Variants in ERC1 observed in about 807,000 individuals in gnomAD.
ERC1 encodes ELKS/RAB6-interacting/CAST family member 1.
Under a neutral mutation model 132.0 loss-of-function variants are expected in ERC1, and 56 were observed. That is an observed-to-expected ratio of 0.42 (90% CI 0.34 to 0.53). The LOEUF is 0.53. Ranked by LOEUF, ERC1 falls within the 20% of genes least tolerant of loss-of-function variation. The pLI is 0.03. For missense variants in ERC1, 1,202 were observed against 1,349.9 expected, an observed-to-expected ratio of 0.89 and a Z score of 1.72; for synonymous variants, 478 against 476.1, an observed-to-expected ratio of 1.00 and a Z score of -0.05.
At chr12:1,397,698 G>A (rs2090656349) in intron 16 of ERC1, among the ~76,000 whole-genome samples, 1 of 152,266 alleles carries the variant, frequency 6.6e-6, no homozygotes. Flanking sequence ...CTCTAAAAAG[G>A]AGGGAACAGG....
chr12:1,463,680 G>C (rs1219205629), intron 18 of ERC1, among the ~76,000 whole-genome samples: 1 of 121,364 alleles, frequency 8.2e-6, no homozygotes, highest in East Asian at 2.3e-4. Context: ...GGGAAGAGAG[G>C]GGTTGGGGTG....
At chr12:1,334,640 A>G (rs1213161252) in intron 15 of ERC1, among the ~76,000 whole-genome samples, 14 of 152,122 alleles carry the variant, frequency 9.2e-5, no homozygotes, top group Non-Finnish European at 1.5e-5. Flanking sequence ...GTAGCCCTGT[A>G]GTATAGTTTG....
intron 14 of ERC1, among the ~76,000 whole-genome samples, chr12:1,280,627 A>C (rs977531464): frequency 3.3e-5 from 5 of 152,178 alleles, no homozygotes; most frequent in Non-Finnish European, 1.5e-5. Flanking sequence ...TCACATTGAG[A>C]TAAGTATTTG....
intron 15 of ERC1, among the ~76,000 whole-genome samples, chr12:1,359,924 TTAAC>T (rs1397679939): frequency 6.8e-6 from 1 of 148,058 alleles, no homozygotes; most frequent in Admixed American, 6.7e-5. Context: ...AATTTGATAG[TTAAC>T]TAATTCTATA....
chr12:1,364,621 C>T (rs2086479558), intron 15 of ERC1, among the ~76,000 whole-genome samples: 1 of 152,210 alleles, frequency 6.6e-6, no homozygotes, highest in Admixed American at 6.5e-5. Flanking sequence ...CTCTGTCTTT[C>T]TTATTTCTCT....
rs565850667 is a variant in ERC1, at chr12:1,192,746, GC to G, written c.2351+2695del. Among the ~76,000 whole-genome samples, 7 of 152,282 alleles carry G rather than the reference GC, an allele frequency of 4.6e-5. No homozygotes were observed. The South Asian group carries it at 1.2e-3, about 27-fold the overall frequency. On this transcript the variant is annotated intron_variant, in intron 12 of 18. Coordinates refer to ENST00000360905, the MANE Select transcript of ERC1 (RefSeq NM_178040.4). ...TCTTATACTAGAGTGAATTGCTACTGCTGCTTTTGCTACTGCTGGGGCTTGT... is the reference window on the plus strand; with the variant it reads ...TCTTATACTAGAGTGAATTGCTACTGTGCTTTTGCTACTGCTGGGGCTTGT...
intron 15 of ERC1, among the ~76,000 whole-genome samples, chr12:1,359,375 A>T (rs1454219278): frequency 6.6e-6 from 1 of 152,190 alleles, no homozygotes. Flanking sequence ...GTCTTAGTTC[A>T]TTTTATTGCT....
chr12:1,310,640 A>T (rs1274643672), intron 15 of ERC1, among the ~76,000 whole-genome samples: 1 of 152,252 alleles, frequency 6.6e-6, no homozygotes, highest in Non-Finnish European at 1.5e-5. Context: ...GCATACAGTC[A>T]AAAGGCTTTT....
intron 15 of ERC1, among the ~76,000 whole-genome samples, chr12:1,366,338 A>G (rs1461340023): frequency 6.6e-6 from 1 of 152,240 alleles, no homozygotes; most frequent in Non-Finnish European, 1.5e-5. Context: ...GACCCTACCC[A>G]TGTAGAAGAA....
intron 18 of ERC1, among the ~76,000 whole-genome samples, chr12:1,447,388 C>T (rs1241865601): frequency 1.3e-5 from 2 of 151,724 alleles, no homozygotes; most frequent in East Asian, 2.0e-4. Context: ...TGGTGTCACA[C>T]GCCTGTAGTC....
chr12:1,295,097 C>T (rs749453337), intron 15 of ERC1, among the ~76,000 whole-genome samples: 2 of 152,134 alleles, frequency 1.3e-5, no homozygotes, highest in African/African-American at 2.4e-5. Context: ...AGTTGTTGTA[C>T]GGATCAAATG....
At chr12:1,360,605 C>G (rs1043090161) in intron 15 of ERC1, among the ~76,000 whole-genome samples, 4 of 152,006 alleles carry the variant, frequency 2.6e-5, no homozygotes, top group Non-Finnish European at 5.9e-5. Context: ...GTCATAATTC[C>G]AAATATTTAA....
At chr12:1,101,404 A>G (rs1458575547) in intron 3 of ERC1, among the ~76,000 whole-genome samples, 9 of 152,176 alleles carry the variant, frequency 5.9e-5, no homozygotes, top group Non-Finnish European at 1.0e-4. Flanking sequence ...CATCACTGAC[A>G]CTGCTCACCA....
intron 9 of ERC1, among the ~76,000 whole-genome samples, chr12:1,181,671 T>C (rs1177275056): frequency 6.6e-6 from 1 of 151,430 alleles, no homozygotes; most frequent in Admixed American, 6.6e-5. Flanking sequence ...GGTGGCATGC[T>C]ACTTGGGAGG....
chr12:1,292,027 T>A (rs2079487165), intron 15 of ERC1, among the ~76,000 whole-genome samples: 1 of 152,180 alleles, frequency 6.6e-6, no homozygotes, highest in South Asian at 2.1e-4. Flanking sequence ...AATAATAAAA[T>A]AACAACTGTA....
At chr12:1,315,954 C>T (rs1300237343) in intron 15 of ERC1, among the ~76,000 whole-genome samples, 1 of 151,734 alleles carries the variant, frequency 6.6e-6, no homozygotes, top group Non-Finnish European at 1.5e-5. Context: ...TGCAGTGGTG[C>T]AGCCTTGGCT....
chr12:1,071,748 T>A (rs920866646), intron 2 of ERC1, among the ~76,000 whole-genome samples: 3 of 152,158 alleles, frequency 2.0e-5, no homozygotes, highest in African/African-American at 4.8e-5. Flanking sequence ...ATTTGTGAAT[T>A]TAAAGTTTTA....
chr12:1,112,159 C>G, intron 5 of ERC1, 56 bp from the exon 6 acceptor site: 2 of 1,203,162 alleles, frequency 1.7e-6, no homozygotes, highest in South Asian at 2.5e-5. Context: ...CAAAAGTAGA[C>G]AAGAAGAAGA....
At chr12:1,063,481 C>T (rs1415522904) in intron 2 of ERC1, among the ~76,000 whole-genome samples, 8 of 152,212 alleles carry the variant, frequency 5.3e-5, no homozygotes, top group Non-Finnish European at 7.4e-5. Context: ...AGGCTGGTCT[C>T]GAACTGCTGA....
Sources: gnomAD v4.1 joint callset for allele counts (sites outside exome capture counted in the v4.1 genomes callset) on GRCh38, gnomAD v4.1.1 for gene constraint, MANE v1.5 for transcripts, NCBI Gene and HGNC (gene_info 2026-07-23, HGNC 2026-07-21) for gene names.